The following ARL15 variants were observed in gnomAD, a reference collection of about 807,000 sequenced individuals.
ARL15 encodes the protein ADP-ribosylation factor-like protein 15.
In ARL15, 19 loss-of-function variants were observed where a neutral mutation model predicts 25.2. The observed-to-expected ratio is 0.75, with a 90% CI of 0.53 to 1.10. The LOEUF (loss-of-function observed/expected upper bound fraction) is 1.10. Ranked by LOEUF, ARL15 falls within the 50% of genes least tolerant of loss-of-function variation. ARL15 has a pLI of 0.00. For missense variants in ARL15, 220 were observed against 246.0 expected, an observed-to-expected ratio of 0.89 and a Z score of 0.71; for synonymous variants, 94 against 86.8, an observed-to-expected ratio of 1.08 and a Z score of -0.46.
chr5:54,293,304 T>C (rs1758379213), intron 1 of ARL15, among the ~76,000 whole-genome samples: 1 of 152,232 alleles, frequency 6.6e-6, no homozygotes, highest in East Asian at 1.9e-4. Flanking sequence ...AAGGCAGTTT[T>C]TGTGTTCATC....
intron 4 of ARL15, among the ~76,000 whole-genome samples, chr5:54,076,106 A>G (rs1751593065): frequency 6.6e-6 from 1 of 152,136 alleles, no homozygotes. Context: ...CAGACACTCA[A>G]TAGCAAACTA....
chr5:54,028,801 C>G (rs1749871695), intron 4 of ARL15, among the ~76,000 whole-genome samples: 2 of 152,134 alleles, frequency 1.3e-5, no homozygotes, highest in South Asian at 2.1e-4. Context: ...CATTTAAGAC[C>G]AGGAGTTTAA....
intron 3 of ARL15, among the ~76,000 whole-genome samples, chr5:54,113,805 T>C (rs1475956502): frequency 2.6e-5 from 4 of 152,208 alleles, no homozygotes; most frequent in African/African-American, 9.6e-5. Context: ...CTGCATGGCC[T>C]AGACATCCAC....
intron 4 of ARL15, among the ~76,000 whole-genome samples, chr5:53,931,209 A>G (rs766286980): frequency 6.6e-6 from 1 of 152,114 alleles, no homozygotes; most frequent in Non-Finnish European, 1.5e-5. Flanking sequence ...AAAAATCTCA[A>G]TTTCATCTTT....
chr5:54,057,755 G>A (rs1561206153), intron 4 of ARL15, among the ~76,000 whole-genome samples: 1 of 152,020 alleles, frequency 6.6e-6, no homozygotes. Context: ...AGGCTGAGAT[G>A]GGAGGATGGC....
At chr5:54,145,435 T>A (rs558804869) in intron 3 of ARL15, among the ~76,000 whole-genome samples, 2 of 152,230 alleles carry the variant, frequency 1.3e-5, no homozygotes, top group Non-Finnish European at 2.9e-5. Context: ...TGTCAGAGAA[T>A]CAATCTAGTC....
chr5:54,295,460 C>A (rs960122817), intron 1 of ARL15, among the ~76,000 whole-genome samples: 1 of 152,082 alleles, frequency 6.6e-6, no homozygotes, highest in African/African-American at 2.4e-5. Flanking sequence ...AGTGATGCTA[C>A]CCACAGCCCA....
At chr5:54,098,838 T>C (rs562292377) in intron 4 of ARL15, among the ~76,000 whole-genome samples, 103 of 152,294 alleles carry the variant, frequency 6.8e-4, no homozygotes, top group African/African-American at 2.4e-3. Flanking sequence ...AAATCCAGTT[T>C]TAAGGAGGAC....
At chr5:53,947,167 GGTGTGT>G (rs3222349) in intron 4 of ARL15, among the ~76,000 whole-genome samples, 2,095 of 123,628 alleles carry the variant, frequency 0.017, 45 homozygotes, top group African/African-American at 0.046. Flanking sequence ...AATAAATAAG[GGTGTGT>G]GTGTGTGTGT....
intron 4 of ARL15, among the ~76,000 whole-genome samples, chr5:54,072,765 T>C (rs1561212929): frequency 6.6e-6 from 1 of 152,220 alleles, no homozygotes; most frequent in African/African-American, 2.4e-5. Flanking sequence ...TTCATATGTA[T>C]CAAAATTTCC....
intron 1 of ARL15, among the ~76,000 whole-genome samples, chr5:54,266,470 C>G (rs1400614164): frequency 6.6e-6 from 1 of 152,168 alleles, no homozygotes; most frequent in Non-Finnish European, 1.5e-5. Context: ...ATGGGTATGT[C>G]CCTGCTTTTG....
intron 4 of ARL15, among the ~76,000 whole-genome samples, chr5:53,926,850 C>T (rs987239855): frequency 6.6e-6 from 1 of 151,800 alleles, no homozygotes; most frequent in Non-Finnish European, 1.5e-5. Flanking sequence ...GAAAACCCCC[C>T]ACAAAATTCA....
At chr5:54,155,182 C>A (rs1754190710) in intron 2 of ARL15, among the ~76,000 whole-genome samples, 1 of 152,090 alleles carries the variant, frequency 6.6e-6, no homozygotes, top group African/African-American at 2.4e-5. Context: ...ATAACACTAT[C>A]CCCTTTACTT....
intron 4 of ARL15, among the ~76,000 whole-genome samples, chr5:53,962,944 C>T (rs1747421212): frequency 6.6e-6 from 1 of 152,020 alleles, no homozygotes; most frequent in Non-Finnish European, 1.5e-5. Context: ...AGAGAAAATA[C>T]TTAACTCTCC....
rs555658949 is a variant in ARL15 at position 54,214,969 on chromosome 5, A to T, written c.49-43041T>A. 3.3e-5 allele frequency among the ~76,000 whole-genome samples: 5 copies of T among 152,206 alleles called. No individual in the cohort carries two copies. In the East Asian group the frequency reaches 9.7e-4, roughly 30 times the overall value. ...GGGGCAGCAGATCACGTTACTCCAG[A>T]GTAACAACATGAAAGGGCAAAATCT... On this transcript the variant is annotated intron_variant, in intron 1 of 4. Transcript: ENST00000504924.
intron 4 of ARL15, among the ~76,000 whole-genome samples, chr5:54,074,926 A>C (rs531627763): frequency 4.6e-5 from 7 of 151,910 alleles, no homozygotes; most frequent in African/African-American, 1.4e-4. Context: ...ACACACTATT[A>C]ATGTTCTTTA....
Position 53,944,391 on chromosome 5 carries a change from G to A in ARL15, c.463-57678C>T, listed in dbSNP as rs542387959. Among the ~76,000 whole-genome samples the A allele has an allele frequency of 2.0e-5, 3 of 152,078 alleles. No individual in the cohort carries two copies. The South Asian group carries it at 6.2e-4, about 32-fold the overall frequency. On this transcript the variant is annotated intron_variant, in intron 4 of 4. Coordinates refer to ENST00000504924, the MANE Select transcript of ARL15 (RefSeq NM_019087.3). Reference sequence around the variant, plus strand: ...TTTGGGAGGCCGAGGCAGGAGGATCGTTTGAGCCCAGGAGTTTGAGACCAT... The same window carrying A: ...TTTGGGAGGCCGAGGCAGGAGGATCATTTGAGCCCAGGAGTTTGAGACCAT...
chr5:53,913,375 A>C (rs1745529005), intron 4 of ARL15, among the ~76,000 whole-genome samples: 1 of 152,056 alleles, frequency 6.6e-6, no homozygotes, highest in Non-Finnish European at 1.5e-5. Context: ...GAGTTTAGTC[A>C]CTCCTTGAAC....
chr5:53,988,557 A>G (rs907745033), intron 4 of ARL15, among the ~76,000 whole-genome samples: 1 of 152,316 alleles, frequency 6.6e-6, no homozygotes, highest in African/African-American at 2.4e-5. Context: ...TTTAATATTT[A>G]TAGGGTATTG....
Sources: gnomAD v4.1 joint callset for allele counts (sites outside exome capture counted in the v4.1 genomes callset) on GRCh38, gnomAD v4.1.1 for gene constraint, MANE v1.5 for transcripts, NCBI Gene and HGNC (gene_info 2026-07-23, HGNC 2026-07-21) for gene names.